The following RNF38 variants were observed in gnomAD, a reference collection of about 807,000 sequenced individuals.
The protein encoded by RNF38 is ring finger protein 38.
Under a neutral mutation model 67.2 loss-of-function variants are expected in RNF38, and 15 were observed. The observed-to-expected ratio is 0.22, with a 90% CI of 0.15 to 0.34. The LOEUF is 0.34. Ranked by LOEUF, RNF38 falls within the 10% of genes least tolerant of loss-of-function variation. RNF38 has a pLI of 1.00. For missense variants in RNF38, 524 were observed against 639.9 expected (o/e 0.82, Z 1.95); for synonymous variants, 220 against 218.8 (o/e 1.01, Z -0.05).
intron 2 of RNF38, among the ~76,000 whole-genome samples, chr9:36,420,401 A>C (rs1165558654): frequency 6.6e-6 from 1 of 151,806 alleles, no homozygotes; most frequent in Admixed American, 6.6e-5. Context: ...GCGTGGTGAC[A>C]GGCACCTGTA....
At chr9:36,345,577 C>T (rs1281669615) in intron 9 of RNF38, among the ~76,000 whole-genome samples, 1 of 152,140 alleles carries the variant, frequency 6.6e-6, no homozygotes, top group Admixed American at 6.5e-5. Flanking sequence ...GACAAACTGT[C>T]CCCAGGTTGA....
chr9:36,401,226 C>G (rs1838015756), upstream of RNF38: 69 of 874,752 alleles, frequency 7.9e-5, no homozygotes, highest in South Asian at 1.8e-4. Flanking sequence ...GGCGGGGCTG[C>G]GCGCGGCCCG....
chr9:36,452,864 C>T (rs777205760), intron 1 of RNF38, among the ~76,000 whole-genome samples: 3 of 152,116 alleles, frequency 2.0e-5, no homozygotes, highest in Non-Finnish European at 4.4e-5. Context: ...AATAATATGC[C>T]ATTGTATGGG....
At chr9:36,447,117 A>C (rs961954710) in intron 1 of RNF38, among the ~76,000 whole-genome samples, 1 of 148,792 alleles carries the variant, frequency 6.7e-6, no homozygotes, top group Non-Finnish European at 1.5e-5. Context: ...ACAGGGCAAG[A>C]CTGTCTCCAA....
At chr9:36,412,260 T>C (rs961604627) in intron 2 of RNF38, among the ~76,000 whole-genome samples, 11 of 152,252 alleles carry the variant, frequency 7.2e-5, no homozygotes, top group African/African-American at 2.7e-4. Context: ...TTCCCTCATC[T>C]TTCCGGCTTT....
intron 2 of RNF38, among the ~76,000 whole-genome samples, chr9:36,412,584 CT>C (rs1401961147): frequency 1.3e-5 from 2 of 152,218 alleles, no homozygotes; most frequent in African/African-American, 4.8e-5. Flanking sequence ...GCGCCATCCA[CT>C]TGGTGAAGAG....
At chr9:36,391,539 A>C (rs1211489931) in intron 1 of RNF38, among the ~76,000 whole-genome samples, 1 of 151,612 alleles carries the variant, frequency 6.6e-6, no homozygotes, top group African/African-American at 2.4e-5. Context: ...TGCCTCATTC[A>C]TTCACTCAAT....
intron 1 of RNF38, among the ~76,000 whole-genome samples, chr9:36,397,103 T>C (rs1438031206): frequency 3.4e-5 from 4 of 118,474 alleles, no homozygotes; most frequent in Admixed American, 1.6e-4. Flanking sequence ...ATATATGTTT[T>C]GTTTTTTTTT....
chr9:36,411,487 T>A (rs1398321707), intron 2 of RNF38, among the ~76,000 whole-genome samples: 2 of 152,208 alleles, frequency 1.3e-5, no homozygotes, highest in African/African-American at 2.4e-5. Flanking sequence ...GCAACATTAT[T>A]CACAATAGCC....
intron 4 of RNF38, 73 bp downstream of exon 4, chr9:36,369,646 A>C: frequency 1.6e-6 from 2 of 1,235,830 alleles, no homozygotes; most frequent in Non-Finnish European, 1.1e-6. Context: ...TGCAACAAAA[A>C]GCCAAAAAAA....
At chr9:36,422,429 C>CAAA (rs527953202) in intron 2 of RNF38, among the ~76,000 whole-genome samples, 1 of 143,862 alleles carries the variant, frequency 7.0e-6, no homozygotes, top group Non-Finnish European at 1.5e-5. Flanking sequence ...CACCAAAAAA[C>CAAA]AAAAAAAAAA....
chr9:36,359,095 T>C (rs1338492185), intron 4 of RNF38, among the ~76,000 whole-genome samples: 1 of 152,182 alleles, frequency 6.6e-6, no homozygotes, highest in Non-Finnish European at 1.5e-5. Flanking sequence ...AGTGCTGGGA[T>C]TACAGGTGTG....
intron 1 of RNF38, among the ~76,000 whole-genome samples, chr9:36,481,684 A>G (rs906718335): frequency 6.6e-6 from 1 of 152,218 alleles, no homozygotes; most frequent in Admixed American, 6.5e-5. Flanking sequence ...CTTCAAATGT[A>G]TCTTTCCCTT....
intron 1 of RNF38, among the ~76,000 whole-genome samples, chr9:36,460,636 C>T (rs1355639046): frequency 6.6e-6 from 1 of 151,972 alleles, no homozygotes; most frequent in Admixed American, 6.6e-5. Context: ...TCCCATAATC[C>T]CAGCACTTTG....
At chr9:36,401,231 G>C (rs1216684974), upstream of RNF38, 17 of 971,450 alleles carry the variant, frequency 1.7e-5, no homozygotes, top group Non-Finnish European at 2.0e-5. Flanking sequence ...GGCTGCGCGC[G>C]GCCCGGCGCA....
rs117243979 is a variant in RNF38 at position 36,424,416 on chromosome 9, C to T, written n.312+197G>A. Among the ~76,000 whole-genome samples, 1,367 of 152,212 alleles carry T rather than the reference C, an allele frequency of 9.0e-3. 10 individuals are homozygous for T. The highest frequency in any genetic ancestry group is 0.02 in the Middle Eastern group (6 of 294). On this transcript the variant is annotated intron_variant and non_coding_transcript_variant, in intron 2 of 3. Coordinates refer to the RNF38 transcript ENST00000488058. The stretch of plus-strand genomic sequence containing the variant: ...TGTTGATCAAAAGTCCAACCCACCT[C>T]GGGTTGAGGAATTTGCCCTAGGTTT...
intron 6 of RNF38, among the ~76,000 whole-genome samples, chr9:36,355,215 A>G (rs1834011087): frequency 6.6e-6 from 1 of 152,216 alleles, no homozygotes; most frequent in Non-Finnish European, 1.5e-5. Flanking sequence ...AAACAATGGT[A>G]AGACTGCTAC....
intron 2 of RNF38, among the ~76,000 whole-genome samples, chr9:36,378,544 A>AC (rs1180796617): frequency 6.6e-6 from 1 of 152,152 alleles, no homozygotes; most frequent in South Asian, 2.1e-4. Context: ...TACATACCCC[A>AC]CATTGTATAT....
At chr9:36,441,516 G>C (rs958028255) in intron 1 of RNF38, among the ~76,000 whole-genome samples, 4 of 152,018 alleles carry the variant, frequency 2.6e-5, no homozygotes, top group East Asian at 1.9e-4. Context: ...AGTAGAGCGG[G>C]GTTTCACCAC....
Sources: gnomAD v4.1 joint callset for allele counts (sites outside exome capture counted in the v4.1 genomes callset) on GRCh38, gnomAD v4.1.1 for gene constraint, MANE v1.5 for transcripts, NCBI Gene and HGNC (gene_info 2026-07-23, HGNC 2026-07-21) for gene names.